Variants in NEBL observed in about 807,000 individuals in gnomAD.
The protein encoded by NEBL is LIM and SH3 protein 2.
In NEBL, 122 loss-of-function variants were observed where a neutral mutation model predicts 140.2. The observed-to-expected ratio is 0.87, with a 90% confidence interval of 0.75 to 1.01. The LOEUF is 1.01. Among genes scored for constraint, NEBL ranks in the 50% least tolerant of loss-of-function variants. NEBL has a pLI of 0.00. For missense variants in NEBL, 1,365 were observed against 1,231.3 expected (o/e 1.11, Z -1.62); for synonymous variants, 436 against 398.9 (o/e 1.09, Z -1.11).
chr10:21,079,988 C>T (rs908306534), intron 2 of NEBL, among the ~76,000 whole-genome samples: 6 of 152,124 alleles, frequency 3.9e-5, no homozygotes, highest in South Asian at 2.1e-4. Context: ...ATAAGTCTTA[C>T]GCTATTGCTT....
At chr10:20,964,536 C>G (rs564612226) in intron 3 of NEBL, among the ~76,000 whole-genome samples, 57 of 152,166 alleles carry the variant, frequency 3.7e-4, no homozygotes, top group African/African-American at 1.3e-3. Context: ...AACCAGCTCT[C>G]ACGTGAACTC....
rs957551717 is a variant in NEBL, at chr10:20,869,887, T to G, written c.481-46A>C. 2.6e-5 allele frequency: 30 copies of G among 1,160,984 alleles called. No individual in the cohort carries two copies. In the Middle Eastern group the frequency reaches 5.7e-4, roughly 22 times the overall value. 71.9% of individuals were successfully genotyped at this position (1,160,984 alleles called of 1,614,324 possible). A position where few individuals can be genotyped will look rare whatever the true frequency, so the allele number is the denominator to read the frequency against. ...TTAAAAAATAAATAAATTAGTAATT[T>G]CACATAGCTACTAGTCTTAGTGTTC... On this transcript the variant is annotated intron_variant, in intron 5 of 27. Coordinates refer to ENST00000377122, the MANE Select transcript of NEBL (RefSeq NM_006393.3).
intron 18 of NEBL, among the ~76,000 whole-genome samples, chr10:20,825,211 G>T (rs1564358232): frequency 6.6e-6 from 1 of 152,116 alleles, no homozygotes; most frequent in Non-Finnish European, 1.5e-5. Flanking sequence ...TTCTCTGGAT[G>T]CTGCATAATG....
chr10:20,882,730 T>G (rs2131328949), intron 4 of NEBL, among the ~76,000 whole-genome samples: 1 of 151,322 alleles, frequency 6.6e-6, no homozygotes, highest in East Asian at 1.9e-4. Context: ...TCATTGAATC[T>G]TGTCATCCAA....
At chr10:20,813,375 T>C (rs574795334) in intron 23 of NEBL, among the ~76,000 whole-genome samples, 3 of 151,182 alleles carry the variant, frequency 2.0e-5, no homozygotes, top group South Asian at 4.1e-4. Flanking sequence ...TGAAATTTTA[T>C]AGGTAACAAT....
intron 3 of NEBL, among the ~76,000 whole-genome samples, chr10:21,197,165 T>C (rs1841666224): frequency 6.6e-6 from 1 of 152,246 alleles, no homozygotes; most frequent in African/African-American, 2.4e-5. Context: ...TGATTTTCTC[T>C]AGCCATGGCA....
At position 21,041,845 on chromosome 10, in the gene NEBL, C is replaced by A. The variant is rs141436990; in HGVS notation, c.165-21644G>T. On this transcript the variant is annotated intron_variant, in intron 2 of 6. Coordinates refer to the NEBL transcript ENST00000417816. ...TTCCAGAACTGAGGGTTCCTCCCCA[C>A]TTTAGACCATATATAGTAATTTCCC... Among the ~76,000 whole-genome samples the A allele has an allele frequency of 2.2e-4, 34 of 152,298 alleles. 1 individual carries two copies. The East Asian group carries it at 5.2e-3, about 23-fold the overall frequency.
At chr10:20,824,095 T>C (rs1220911903) in intron 18 of NEBL, among the ~76,000 whole-genome samples, 1 of 152,172 alleles carries the variant, frequency 6.6e-6, no homozygotes, top group Non-Finnish European at 1.5e-5. Flanking sequence ...ATAAAATGAT[T>C]AGTGATACTA....
intron 2 of NEBL, among the ~76,000 whole-genome samples, chr10:21,041,617 C>T (rs945082388): frequency 6.6e-6 from 1 of 152,160 alleles, no homozygotes; most frequent in African/African-American, 2.4e-5. Context: ...GTTAGATATA[C>T]AGCTATATGG....
At chr10:21,161,396 C>T (rs1404706809) in intron 2 of NEBL, among the ~76,000 whole-genome samples, 1 of 151,952 alleles carries the variant, frequency 6.6e-6, no homozygotes, top group African/African-American at 2.4e-5. Context: ...TAAGCTGTAT[C>T]ATTCAGACAG....
chr10:20,847,107 G>A (rs1842019873), intron 11 of NEBL, among the ~76,000 whole-genome samples: 1 of 151,982 alleles, frequency 6.6e-6, no homozygotes, highest in Admixed American at 6.6e-5. Context: ...TACCTCTTGG[G>A]AATAAAAAAA....
At chr10:21,267,849 C>G (rs140507817) in intron 1 of NEBL, among the ~76,000 whole-genome samples, 1,659 of 152,250 alleles carry the variant, frequency 0.011, 32 homozygotes, top group African/African-American at 0.038. Context: ...CTGTTGTATT[C>G]AAAAGAACAT....
chr10:21,036,231 C>G (rs1834011391), intron 2 of NEBL, among the ~76,000 whole-genome samples: 1 of 152,034 alleles, frequency 6.6e-6, no homozygotes, highest in Admixed American at 6.6e-5. Context: ...GAGGCCGAGG[C>G]AGGAGGATTG....
chr10:21,011,228 G>T (rs1042601445), intron 3 of NEBL, among the ~76,000 whole-genome samples: 2 of 152,172 alleles, frequency 1.3e-5, no homozygotes, highest in Non-Finnish European at 2.9e-5. Flanking sequence ...AGCCCAGATC[G>T]CTGGGTGGCT....
rs191134786 is a variant in NEBL, at chr10:21,051,197, C to A, written c.165-30996G>T. Among the ~76,000 whole-genome samples the A allele has an allele frequency of 7.2e-5, 11 of 152,282 alleles. 1 individual carries two copies. The East Asian group carries it at 2.1e-3, about 29-fold the overall frequency. The stretch of plus-strand genomic sequence containing the variant: ...ACATCATACCCCTTACACAAGAAGC[C>A]AATCAGAGCTTTGCGAGGATTTATA... On this transcript the variant is annotated intron_variant, in intron 2 of 6. Transcript: ENST00000417816.
chr10:20,897,369 G>A (rs1016538891), upstream of NEBL: 17 of 1,429,852 alleles, frequency 1.2e-5, no homozygotes, highest in Non-Finnish European at 1.5e-5. Context: ...TCTCAGTGGT[G>A]TGTGAGTGAA....
intron 7 of NEBL, among the ~76,000 whole-genome samples, chr10:20,866,596 C>T (rs1031627490): frequency 6.6e-6 from 1 of 152,168 alleles, no homozygotes; most frequent in South Asian, 2.1e-4. Flanking sequence ...TGTCCCCTGG[C>T]AGGCATACTC....
intron 3 of NEBL, among the ~76,000 whole-genome samples, chr10:20,972,675 A>G (rs1836629817): frequency 6.6e-6 from 1 of 152,088 alleles, no homozygotes; most frequent in Non-Finnish European, 1.5e-5. Context: ...TGAACCCGGG[A>G]GGCAGAGGCT....
intron 2 of NEBL, among the ~76,000 whole-genome samples, chr10:21,128,365 A>C (rs888947510): frequency 6.6e-5 from 10 of 152,186 alleles, no homozygotes; most frequent in African/African-American, 2.4e-4. Context: ...CTAAATGTAA[A>C]AAAGGAGAAG....
Sources: allele counts gnomAD v4.1 joint callset (sites outside exome capture counted in the v4.1 genomes callset), GRCh38; gene constraint gnomAD v4.1.1; transcripts MANE v1.5; gene names NCBI Gene and HGNC (gene_info 2026-07-23, HGNC 2026-07-21).